CREBBP: variants seen among roughly 807,000 people sequenced by gnomAD.
CREBBP encodes the protein CREB binding lysine acetyltransferase.
A neutral mutation model predicts 265.0 loss-of-function variants in CREBBP; 19 were observed. The observed-to-expected ratio is 0.07, with a 90% CI of 0.05 to 0.11. CREBBP has a LOEUF of 0.11. Among genes scored for constraint, CREBBP ranks in the 10% least tolerant of loss-of-function variants. The pLI is 1.00. For missense variants in CREBBP, 2,525 were observed against 3,219.0 expected (o/e 0.78, Z 5.22); for synonymous variants, 1,457 against 1,223.7 (o/e 1.19, Z -3.98).
chr16:3,793,762 C>G, intron 3 of CREBBP, 136 bp from the exon 4 acceptor site: 1 of 1,045,270 alleles, frequency 9.6e-7, no homozygotes, highest in Admixed American at 2.3e-5. Flanking sequence ...AGTTCTCTAA[C>G]CCACTGATGA....
chr16:3,769,205 G>C lies in CREBBP; in HGVS notation c.3029C>G (p.Pro1010Arg), dbSNP rs139896431. 1 of 1,614,140 alleles carries C rather than the reference G, an allele frequency of 6.2e-7. No homozygotes were observed. The highest frequency in any genetic ancestry group is 8.5e-7 in the Non-Finnish European group (1 of 1,180,024). ...ETQAEDTEPD[P>R]GESKGEPRSE... is the part of the protein sequence containing the mutation. ...CCTGGGCTCCCCTTTGGATTCACCAGGATCGGGCTCAGTGTCCTCTGCTTG... is the reference window on the plus strand; with the variant it reads ...CCTGGGCTCCCCTTTGGATTCACCACGATCGGGCTCAGTGTCCTCTGCTTG... The change falls in exon 15 of 31, where the codon CCT becomes CGT. Residue 1010 changes from proline to arginine, a missense_variant. Transcript: ENST00000262367.
intron 1 of CREBBP, among the ~76,000 whole-genome samples, chr16:3,878,722 C>T (rs1356613887): frequency 6.6e-6 from 1 of 152,192 alleles, no homozygotes; most frequent in Non-Finnish European, 1.5e-5. Flanking sequence ...TTTTCAGATG[C>T]TACCACTGCA....
At position 3,751,719 on chromosome 16, in the gene CREBBP, T is replaced by G; in HGVS notation, c.3779+7A>C. On this transcript the variant is annotated splice_region_variant and intron_variant, in intron 20 of 30. Coordinates refer to ENST00000262367, the MANE Select transcript of CREBBP (RefSeq NM_004380.3). ...CACCCCAGAGAAAATGACAGGACGGTACTTACGTCTGGGGCTGTGAAGGGT... is the reference window on the plus strand; with the variant it reads ...CACCCCAGAGAAAATGACAGGACGGGACTTACGTCTGGGGCTGTGAAGGGT... The G allele has an allele frequency of 6.2e-7, 1 of 1,613,958 alleles. No homozygotes were observed. The highest frequency in any genetic ancestry group is 8.5e-7 in the Non-Finnish European group (1 of 1,179,858).
chr16:3,793,219 C>G (rs1212672883), intron 4 of CREBBP, among the ~76,000 whole-genome samples, 167 bp downstream of exon 4: 1 of 152,228 alleles, frequency 6.6e-6, no homozygotes, highest in African/African-American at 2.4e-5. Context: ...TCCTGGAGCA[C>G]CTGACTGTCG....
At position 3,850,653 on chromosome 16, in the gene CREBBP, A is replaced by G. The variant is rs2141493892; in HGVS notation, c.442T>C (p.Ser148Pro). Residue 148 changes from serine to proline, a missense_variant, in exon 2 of 31, where the codon TCC becomes CCC. Around this residue, in one of 19 missense-constraint regions of CREBBP, gnomAD observed 356 missense variants for 340.4 expected, o/e 1.05. Coordinates refer to ENST00000262367, the MANE Select transcript of CREBBP (RefSeq NM_004380.3). ...ASTSGPTPAA[S>P]QALNPQAQKQ... is the part of the protein sequence containing the mutation. ...TGTGCTTGCGGATTCAGTGCTTGGG[A>G]GGCAGCGGGGGTGGGCCCAGAGGTG... 2.5e-6 allele frequency: 4 copies of G among 1,614,170 alleles called. No individual in the cohort carries two copies. The highest frequency in any genetic ancestry group is 3.4e-6 in the Non-Finnish European group (4 of 1,180,034).
chr16:3,781,447 C>A, intron 6 of CREBBP, 141 bp from the exon 7 acceptor site: 3 of 683,082 alleles, frequency 4.4e-6, no homozygotes, highest in Non-Finnish European at 5.2e-6. Context: ...ATAGTAAGCA[C>A]TGCGGCAGGA....
chr16:3,794,937 A>T (rs987811201), intron 3 of CREBBP, among the ~76,000 whole-genome samples: 3 of 152,254 alleles, frequency 2.0e-5, no homozygotes, highest in African/African-American at 7.2e-5. Flanking sequence ...CGGATTTTTT[A>T]AAAATGTATG....
At chr16:3,791,009 C>T (rs944891970) in intron 5 of CREBBP, among the ~76,000 whole-genome samples, 3 of 152,080 alleles carry the variant, frequency 2.0e-5, no homozygotes, top group African/African-American at 7.2e-5. Flanking sequence ...GAGGAATGAA[C>T]ACGTAATACA....
chr16:3,731,449 C>T lies in CREBBP; in HGVS notation c.4915G>A (p.Ala1639Thr), dbSNP rs770154926. Reference sequence around the variant, plus strand: ...GGCAGGGTGTTGATGACAGGCCCAGCGTGCAGGTGGATCACGAAGAAGACC... The same window carrying T: ...GGCAGGGTGTTGATGACAGGCCCAGTGTGCAGGTGGATCACGAAGAAGACC... ...KEVFFVIHLH[A>T]GPVINTLPPI... The change falls in exon 30 of 31, where the codon GCT becomes ACT. Residue 1639 changes from alanine (A) to threonine (T), a missense_variant. This residue lies in a region of CREBBP where 37 missense variants were observed against 34.1 expected (regional missense o/e 1.09). Transcript: ENST00000262367. The surrounding 1 kb of genome is among the most constrained non-coding windows in gnomAD (Gnocchi z 7.7). 1.1e-5 allele frequency: 17 copies of T among 1,595,070 alleles called. No individual in the cohort carries two copies. Among genetic ancestry groups the T allele is most frequent in the Non-Finnish European group, 1.4e-5 (16 of 1,171,982 alleles).
In CREBBP at chr16:3,850,959, G is replaced by C; in HGVS notation, c.136C>G (p.Pro46Ala). ...AAAAGGCCTAATTCTCCTCCATTGG[G>C]TATCAGCTCATCAGGAAGATCATTT... ...LENDLPDELI[P>A]NGGELGLLNS... The change falls in exon 2 of 31, where the codon CCC becomes GCC. Residue 46 changes from proline (P) to alanine (A), a missense_variant. Pro to Ala is a conservative substitution (Grantham distance 27). Transcript: ENST00000262367. The C allele has an allele frequency of 6.2e-7, 1 of 1,614,124 alleles. No homozygotes were observed. Among genetic ancestry groups the C allele is most frequent in the Non-Finnish European group, 8.5e-7 (1 of 1,180,028 alleles).
chr16:3,769,620 G>T (rs1253439286), intron 14 of CREBBP, among the ~76,000 whole-genome samples: 1 of 152,138 alleles, frequency 6.6e-6, no homozygotes, highest in African/African-American at 2.4e-5. Flanking sequence ...TTATTTTCTC[G>T]AAGTTTTCTA....
chr16:3,756,774 A>G (rs1417070028), intron 19 of CREBBP, among the ~76,000 whole-genome samples: 1 of 152,174 alleles, frequency 6.6e-6, no homozygotes, highest in African/African-American at 2.4e-5. Context: ...AGAATAGTAA[A>G]ATCCACATTT....
chr16:3,729,056 G>T lies in CREBBP; in HGVS notation c.5991C>A (p.Pro1997=), dbSNP rs201101808. Residue 1997 remains proline, a synonymous_variant, in exon 31 of 31, where the codon CCC becomes CCA. Coordinates refer to ENST00000262367, the MANE Select transcript of CREBBP (RefSeq NM_004380.3). ...TGGGTCGGGGCACATTCAGGCTCAC[G>T]GGGGCCATCTGGCTCCCCGGGGTCC... ...GMGTPGSQMA[P]VSLNVPRPNQ... The T allele has an allele frequency of 1.3e-6, 2 of 1,585,400 alleles. No homozygotes were observed. Among genetic ancestry groups the T allele is most frequent in the South Asian group, 1.1e-5 (1 of 88,768 alleles).
At chr16:3,874,948 A>C (rs1293295614) in intron 1 of CREBBP, among the ~76,000 whole-genome samples, 1 of 152,252 alleles carries the variant, frequency 6.6e-6, no homozygotes, top group Non-Finnish European at 1.5e-5. Context: ...TTTCATCTTA[A>C]CTAAGGTAAG....
intron 18 of CREBBP, 150 bp from the exon 19 acceptor site, chr16:3,757,526 G>C (rs2052615353): frequency 2.3e-6 from 2 of 862,384 alleles, no homozygotes; most frequent in South Asian, 1.6e-5. Context: ...AAGACATTTT[G>C]GGATAGCATG....
intron 2 of CREBBP, among the ~76,000 whole-genome samples, chr16:3,814,773 C>A (rs933386133): frequency 1.3e-5 from 2 of 152,174 alleles, no homozygotes; most frequent in Non-Finnish European, 2.9e-5. Context: ...GGGATCTACA[C>A]AATTCTCAAA....
At chr16:3,817,353 A>G (rs920001202) in intron 2 of CREBBP, among the ~76,000 whole-genome samples, 15 of 152,188 alleles carry the variant, frequency 9.9e-5, no homozygotes, top group Non-Finnish European at 2.1e-4. Flanking sequence ...GTGTGGGACA[A>G]ATACTATCAT....
chr16:3,776,767 C>T (rs954600678), intron 11 of CREBBP, among the ~76,000 whole-genome samples: 1 of 152,176 alleles, frequency 6.6e-6, no homozygotes, highest in East Asian at 1.9e-4. Flanking sequence ...AATCCCAGCA[C>T]TTTGGAAGGC....
At chr16:3,801,208 G>C (rs569517810) in intron 3 of CREBBP, among the ~76,000 whole-genome samples, 1 of 152,314 alleles carries the variant, frequency 6.6e-6, no homozygotes, top group Non-Finnish European at 1.5e-5. Context: ...ACAGAGGGCT[G>C]ACCACCTTGC....
Sources: allele counts gnomAD v4.1 joint callset (sites outside exome capture counted in the v4.1 genomes callset), GRCh38; gene constraint gnomAD v4.1.1; regional missense constraint gnomAD v4.1.1; non-coding constraint Gnocchi (gnomAD v3.1); transcripts MANE v1.5; gene names NCBI Gene and HGNC (gene_info 2026-07-23, HGNC 2026-07-21).